Variants in MS4A14 observed in about 807,000 individuals in gnomAD.
MS4A14 encodes the protein membrane spanning 4-domains A14.
MS4A14 carries 18 observed loss-of-function variants against 16.7 expected under a neutral mutation model. That is an observed-to-expected ratio of 1.08 (90% confidence interval 0.75 to 1.60). MS4A14 has a LOEUF of 1.60. Among genes scored for constraint, MS4A14 ranks in the 40% most tolerant of loss-of-function variants. MS4A14 has a pLI of 0.00. For missense variants in MS4A14, 812 were observed against 775.3 expected (o/e 1.05, Z -0.56); for synonymous variants, 305 against 289.4 (o/e 1.05, Z -0.55).
chr11:60,403,404 T>C (rs987190586), intron 4 of MS4A14, among the ~76,000 whole-genome samples: 9 of 152,304 alleles, frequency 5.9e-5, no homozygotes, highest in Admixed American at 1.3e-4. Context: ...AAATAGTCAG[T>C]AGGTTTAGCT....
chr11:60,401,454 G>A (rs2197237), intron 3 of MS4A14, among the ~76,000 whole-genome samples: 102,807 of 152,052 alleles, frequency 0.68, 35,520 homozygotes, highest in Middle Eastern at 0.8. Context: ...TATGGGTAAG[G>A]AAAACCTACT....
chr11:60,401,251 A>C (rs2085708894), intron 3 of MS4A14, among the ~76,000 whole-genome samples: 1 of 152,228 alleles, frequency 6.6e-6, no homozygotes, highest in African/African-American at 2.4e-5. Flanking sequence ...CCTCTCTGAA[A>C]GTCAGTTGAA....
chr11:60,416,958 G>A lies in MS4A14; in HGVS notation c.1990G>A (p.Gly664Arg). The A allele has an allele frequency of 6.2e-7, 1 of 1,613,322 alleles. No homozygotes were observed. The change falls in exon 5 of 5, where the codon GGA becomes AGA. Residue 664 changes from glycine (G) to arginine (R), a missense_variant. Coordinates refer to ENST00000300187, the MANE Select transcript of MS4A14 (RefSeq NM_032597.5). ...ATTCCACAAAGGCAATCTCCAGGCTGGACAACCCAGGACTGTCAATCTTTT... is the reference window on the plus strand; with the variant it reads ...ATTCCACAAAGGCAATCTCCAGGCTAGACAACCCAGGACTGTCAATCTTTT... ...WQFHKGNLQA[G>R]QPRTVNLLAK...
At chr11:60,397,325 G>C (rs934515484) in intron 1 of MS4A14, among the ~76,000 whole-genome samples, 2 of 152,124 alleles carry the variant, frequency 1.3e-5, no homozygotes, top group African/African-American at 4.8e-5. Flanking sequence ...TGGATGAAGG[G>C]GAGGTGAAAT....
Position 60,397,870 on chromosome 11 carries a change from G to T in MS4A14, c.157G>T (p.Ala53Ser), listed in dbSNP as rs779642821. ...RVLGATQILL[A>S]LIIVGFGTIF... Reference sequence around the variant, plus strand: ...CTCACAGGCTACCCAGATCCTGCTTGCTCTAATCATTGTGGGCTTTGGAAC... The same window carrying T: ...CTCACAGGCTACCCAGATCCTGCTTTCTCTAATCATTGTGGGCTTTGGAAC... The change falls in exon 2 of 5, where the codon GCT (alanine) becomes TCT (serine). Residue 53 changes from alanine to serine, a missense_variant. Ala to Ser is a moderately conservative substitution (Grantham distance 99). Coordinates refer to ENST00000300187, the MANE Select transcript of MS4A14 (RefSeq NM_032597.5). 8.3e-6 allele frequency: 13 copies of T among 1,557,284 alleles called. No individual in the cohort carries two copies. The highest frequency in any genetic ancestry group is 3.1e-5 in the African/African-American group (2 of 64,994).
chr11:60,398,143 A>AAAATTT, intron 2 of MS4A14, 163 bp downstream of exon 2: 1 of 593,066 alleles, frequency 1.7e-6, no homozygotes, highest in Admixed American at 3.2e-5. Flanking sequence ...TCACTGCACT[A>AAAATTT]CCATCATCAT....
intron 1 of MS4A14, 75 bp from the exon 2 acceptor site, chr11:60,397,777 C>T: frequency 6.8e-7 from 1 of 1,478,406 alleles, no homozygotes; most frequent in Non-Finnish European, 9.2e-7. Context: ...CATGGAGGCA[C>T]ACCCTGAGGG....
chr11:60,400,594 C>A, intron 3 of MS4A14, 140 bp downstream of exon 3: 1 of 523,926 alleles, frequency 1.9e-6, no homozygotes. Context: ...TTCCTATTTG[C>A]CAGTGCCACT....
In MS4A14 at chr11:60,417,111, A is replaced by G; in HGVS notation, c.*103A>G. The G allele has an allele frequency of 7.0e-7, 1 of 1,422,064 alleles. No individual in the cohort carries two copies. The highest frequency in any genetic ancestry group is 1.9e-4 in the Middle Eastern group (1 of 5,342). The allele number at this position is 1,422,064 out of a possible 1,614,324, so 88.1% of individuals were successfully genotyped here. On this transcript the variant is annotated 3_prime_UTR_variant, in exon 5 of 5. Coordinates refer to ENST00000300187, the MANE Select transcript of MS4A14 (RefSeq NM_032597.5). Reference sequence around the variant, plus strand: ...TTAGAGAAAGAAGCCCTAAAGCAGAAAGCTCTATACCAAGAAGTCCAAACC... The same window carrying G: ...TTAGAGAAAGAAGCCCTAAAGCAGAGAGCTCTATACCAAGAAGTCCAAACC...
intron 1 of MS4A14, 77 bp downstream of exon 1, chr11:60,396,793 A>ATCTC: frequency 2.2e-6 from 3 of 1,395,200 alleles, no homozygotes; most frequent in Non-Finnish European, 2.9e-6. Flanking sequence ...CTGCAGAGAT[A>ATCTC]TGCAGAGATT....
At chr11:60,402,531 G>A (rs2085729560) in intron 3 of MS4A14, among the ~76,000 whole-genome samples, 1 of 152,184 alleles carries the variant, frequency 6.6e-6, no homozygotes. Flanking sequence ...GATTCCAGGA[G>A]ATTAGGTTAC....
At chr11:60,402,154 C>G (rs538730892) in intron 3 of MS4A14, among the ~76,000 whole-genome samples, 1 of 151,946 alleles carries the variant, frequency 6.6e-6, no homozygotes, top group Admixed American at 6.6e-5. Context: ...TCGGATATAC[C>G]TACCCCACCC....
At chr11:60,401,834 T>C (rs924172678) in intron 3 of MS4A14, among the ~76,000 whole-genome samples, 1 of 152,172 alleles carries the variant, frequency 6.6e-6, no homozygotes, top group Non-Finnish European at 1.5e-5. Flanking sequence ...GGCCTATCTA[T>C]ATGTTCCTGT....
intron 3 of MS4A14, among the ~76,000 whole-genome samples, chr11:60,402,162 C>T (rs1452763978): frequency 6.7e-6 from 1 of 149,844 alleles, no homozygotes; most frequent in Non-Finnish European, 1.5e-5. Flanking sequence ...ACCTACCCCA[C>T]CCACCCACAC....
rs1432891420 is a variant in MS4A14, at chr11:60,416,021, A to G, written c.1053A>G (p.Thr351=). ...SSHVKQSSNL[T]ANDLPPQGIL... Reference sequence around the variant, plus strand: ...ATGTCAAACAGTCTTCTAATCTGACAGCTAATGACCTGCCCCCTCAAGGCA... The same window carrying G: ...ATGTCAAACAGTCTTCTAATCTGACGGCTAATGACCTGCCCCCTCAAGGCA... Residue 351 remains threonine, a synonymous_variant, in exon 5 of 5, where the codon ACA becomes ACG. Transcript: ENST00000300187. 6.2e-7 allele frequency: 1 copy of G among 1,613,770 alleles called. No individual in the cohort carries two copies. The highest frequency in any genetic ancestry group is 8.5e-7 in the Non-Finnish European group (1 of 1,179,954).
At chr11:60,398,194 G>A (rs755613162) in intron 2 of MS4A14, 79 of 428,908 alleles carry the variant, frequency 1.8e-4, no homozygotes, top group Non-Finnish European at 2.6e-4. Flanking sequence ...TGTTTCCAAA[G>A]CCCTTGTGTG....
chr11:60,406,570 A>G (rs1445868618), intron 4 of MS4A14, among the ~76,000 whole-genome samples: 1 of 152,224 alleles, frequency 6.6e-6, no homozygotes, highest in Non-Finnish European at 1.5e-5. Flanking sequence ...ACATAACATC[A>G]GGATTCTGAC....
In MS4A14 at chr11:60,416,109, C is replaced by T. The variant is rs768128322; in HGVS notation, c.1141C>T (p.Gln381Ter). The T allele has an allele frequency of 7.5e-6, 12 of 1,609,288 alleles. No individual in the cohort carries two copies. The highest frequency in any genetic ancestry group is 9.3e-6 in the Non-Finnish European group (11 of 1,177,636). Residue 381 changes from glutamine (Q) to a stop codon, truncating the protein, a stop_gained, in exon 5 of 5, where the codon CAA becomes TAA. Transcript: ENST00000300187. LOFTEE classifies it low-confidence loss of function (END_TRUNC). ...LFHDMTSQDMQSLDMLSQDTP... is the reference protein window; with the variant it reads ...LFHDMTSQDM ...TCATGACATGACATCCCAAGATATG[C>T]AATCCCTAGATATGCTATCTCAAGA...
Position 60,397,988 on chromosome 11 carries a change from C to G in MS4A14, c.267+8C>G. ...TTCTGGGGAGCACTTATTGTGAGTA[C>G]TGTCGATTAGAAGCTTTGGAGAAAT... On this transcript the variant is annotated splice_region_variant and intron_variant, in intron 2 of 4. Transcript: ENST00000300187. 6.2e-7 allele frequency: 1 copy of G among 1,612,482 alleles called. No individual in the cohort carries two copies. Among genetic ancestry groups the G allele is most frequent in the Non-Finnish European group, 8.5e-7 (1 of 1,178,960 alleles).
Sources: gnomAD v4.1 joint callset for allele counts (sites outside exome capture counted in the v4.1 genomes callset) on GRCh38, gnomAD v4.1.1 for gene constraint, MANE v1.5 for transcripts, NCBI Gene and HGNC (gene_info 2026-07-23, HGNC 2026-07-21) for gene names.